The following HPSE2 variants were observed in gnomAD, a reference collection of about 807,000 sequenced individuals.
HPSE2 encodes the protein heparanase 2 (inactive).
A neutral mutation model predicts 60.5 loss-of-function variants in HPSE2; 38 were observed. The observed-to-expected ratio is 0.63, with a 90% CI of 0.48 to 0.82. The LOEUF is 0.82. HPSE2 is among the 40% of genes least tolerant of loss of function. The pLI, the probability that HPSE2 is intolerant of heterozygous loss-of-function variation, is 0.00. For missense variants in HPSE2, 713 were observed against 740.4 expected (o/e 0.96, Z 0.43); for synonymous variants, 295 against 293.2 (o/e 1.01, Z -0.06).
In HPSE2 at chr10:99,232,627, C is replaced by A. The variant is rs1371516080; in HGVS notation, c.291-122G>T. 9.0e-5 allele frequency: 101 copies of A among 1,124,134 alleles called. No homozygotes were observed. In the African/African-American group the frequency reaches 1.4e-3, roughly 16 times the overall value. 69.6% of individuals were successfully genotyped at this position (1,124,134 alleles called of 1,614,324 possible). A position where few individuals can be genotyped will look rare whatever the true frequency, so the allele number is the denominator to read the frequency against. On this transcript the variant is annotated intron_variant, in intron 1 of 11. Coordinates refer to ENST00000370552, the MANE Select transcript of HPSE2 (RefSeq NM_021828.5). ...CCTGGCCGGGGCTAGAGGCTCTGTG[C>A]CTGCCCCAGCCGGCAGTCCACGCTG...
chr10:98,664,707 G>A (rs1280821003), intron 6 of HPSE2, among the ~76,000 whole-genome samples: 2 of 152,164 alleles, frequency 1.3e-5, no homozygotes, highest in Non-Finnish European at 2.9e-5. Flanking sequence ...TATAGCGCCT[G>A]TGAAACCTAA....
intron 9 of HPSE2, among the ~76,000 whole-genome samples, chr10:98,569,606 A>G (rs1049248152): frequency 6.6e-6 from 1 of 152,136 alleles, no homozygotes; most frequent in East Asian, 1.9e-4. Context: ...TCAAAATTCA[A>G]TTTATCCTTC....
intron 3 of HPSE2, among the ~76,000 whole-genome samples, chr10:98,795,345 C>G (rs1423535283): frequency 6.6e-6 from 1 of 152,172 alleles, no homozygotes; most frequent in Non-Finnish European, 1.5e-5. Flanking sequence ...CCTTACGGCA[C>G]GGAAAGTCTG....
chr10:98,544,165 G>T (rs572600559), intron 9 of HPSE2, among the ~76,000 whole-genome samples: 2 of 152,238 alleles, frequency 1.3e-5, no homozygotes, highest in Non-Finnish European at 2.9e-5. Flanking sequence ...TAGAACTCAG[G>T]ATTAAGAAAC....
At chr10:98,487,802 A>G (rs575349050) in intron 10 of HPSE2, among the ~76,000 whole-genome samples, 3 of 152,392 alleles carry the variant, frequency 2.0e-5, no homozygotes, top group African/African-American at 7.2e-5. Context: ...GGCCACAGAT[A>G]AATGACTCAG....
intron 9 of HPSE2, among the ~76,000 whole-genome samples, chr10:98,517,661 G>C (rs1942647097): frequency 6.6e-6 from 1 of 152,164 alleles, no homozygotes; most frequent in African/African-American, 2.4e-5. Context: ...TTAGTCTTTG[G>C]AATGGAGCTG....
At chr10:99,294,780 A>C in the HPSE2 span, among the ~76,000 whole-genome samples, 1 of 151,542 alleles carries the variant, frequency 6.6e-6, no homozygotes, top group African/African-American at 2.4e-5. Context: ...CTAAAAATAC[A>C]AAAAAAATCA....
At chr10:98,899,569 C>T (rs1007796549) in intron 3 of HPSE2, among the ~76,000 whole-genome samples, 1 of 151,948 alleles carries the variant, frequency 6.6e-6, no homozygotes, top group Non-Finnish European at 1.5e-5. Context: ...AAATGTTCAA[C>T]ATTATAAATT....
At chr10:98,461,889 T>C in intron 11 of HPSE2, 1 of 1,106,142 alleles carries the variant, frequency 9.0e-7, no homozygotes. Flanking sequence ...GTAGTTGTCC[T>C]GGAACAGGCC....
intron 3 of HPSE2, among the ~76,000 whole-genome samples, chr10:98,848,304 G>A (rs1031944601): frequency 6.6e-6 from 1 of 152,064 alleles, no homozygotes. Context: ...TGTAATCCCA[G>A]CTACTCAGGA....
chr10:98,896,177 A>T (rs1057204149), intron 3 of HPSE2, among the ~76,000 whole-genome samples: 2 of 152,052 alleles, frequency 1.3e-5, no homozygotes, highest in African/African-American at 2.4e-5. Flanking sequence ...CTCATGTTTC[A>T]TCTAAATATC....
chr10:99,125,138 T>C lies in HPSE2; in HGVS notation c.610+19100A>G, dbSNP rs180723360. Among the ~76,000 whole-genome samples the C allele has an allele frequency of 1.1e-3, 168 of 152,282 alleles. 2 individuals are homozygous for C. The highest frequency in any genetic ancestry group is 8.8e-5 in the Non-Finnish European group (6 of 68,008). ...GGCAGAAAATAGCTATAAAACCTCT[T>C]CATTACACACACACAAAAACTTCCT... On this transcript the variant is annotated intron_variant, in intron 3 of 11. Transcript: ENST00000370552.
chr10:98,609,512 A>G, intron 9 of HPSE2, among the ~76,000 whole-genome samples: 1 of 152,250 alleles, frequency 6.6e-6, no homozygotes, highest in Non-Finnish European at 1.5e-5. Context: ...CACGTAAGAA[A>G]ATAAAAACTG....
At chr10:98,744,210 G>A in intron 3 of HPSE2, 154 bp from the exon 4 acceptor site, 1 of 766,222 alleles carries the variant, frequency 1.3e-6, no homozygotes, top group Non-Finnish European at 2.2e-6. Context: ...TTTGGTCTGG[G>A]TACATTTCAA....
In HPSE2 at chr10:98,499,600, A is replaced by G. The variant is rs957565108; in HGVS notation, c.1321-9404T>C. Among the ~76,000 whole-genome samples, 3 of 152,174 alleles carry G rather than the reference A, an allele frequency of 2.0e-5. No homozygotes were observed. The East Asian group carries it at 5.8e-4, about 29-fold the overall frequency. On this transcript the variant is annotated intron_variant, in intron 9 of 11. Transcript: ENST00000370552. ...TATAAAACAAAAATACAAGTTAAAA[A>G]GCAAAAACAAAAACCAAAAAAACCA...
At chr10:99,216,290 G>C (rs1472662820) in intron 2 of HPSE2, among the ~76,000 whole-genome samples, 2 of 149,048 alleles carry the variant, frequency 1.3e-5, no homozygotes, top group Non-Finnish European at 3.0e-5. Flanking sequence ...TACCTCTGGA[G>C]TTCAAGCGAT....
chr10:99,160,727 G>A (rs568618123), intron 2 of HPSE2, among the ~76,000 whole-genome samples: 11 of 151,138 alleles, frequency 7.3e-5, no homozygotes, highest in South Asian at 2.1e-4. Context: ...GTGAAACCCC[G>A]TCTCTACTAA....
chr10:98,966,507 T>C (rs73333837), intron 3 of HPSE2, among the ~76,000 whole-genome samples: 2,941 of 152,224 alleles, frequency 0.019, 110 homozygotes, highest in East Asian at 0.15. Flanking sequence ...GTTTATACTA[T>C]AATGAAAAGA....
intron 3 of HPSE2, among the ~76,000 whole-genome samples, chr10:98,987,327 C>G (rs904328291): frequency 1.3e-5 from 2 of 152,078 alleles, no homozygotes; most frequent in African/African-American, 4.8e-5. Flanking sequence ...CCCTGGGATG[C>G]AAGGCTGGTT....
Sources: allele counts gnomAD v4.1 joint callset (sites outside exome capture counted in the v4.1 genomes callset), GRCh38; gene constraint gnomAD v4.1.1; transcripts MANE v1.5; gene names NCBI Gene and HGNC (gene_info 2026-07-23, HGNC 2026-07-21).